The following KCNH7 variants were observed in gnomAD, a reference collection of about 807,000 sequenced individuals.
KCNH7 encodes the protein potassium voltage-gated channel subfamily H member 7.
A neutral mutation model predicts 120.8 loss-of-function variants in KCNH7; 49 were observed. That is an observed-to-expected ratio of 0.41 (90% confidence interval 0.32 to 0.51). The LOEUF (loss-of-function observed/expected upper bound fraction) is 0.51, where lower values mean the gene tolerates loss of function less well. Ranked by LOEUF, KCNH7 falls within the 20% of genes least tolerant of loss-of-function variation. The pLI, the probability that KCNH7 is intolerant of heterozygous loss-of-function variation, is 0.38. For synonymous variants in KCNH7, 547 were observed against 516.1 expected (o/e 1.06, Z -0.81); for missense variants, 1,097 against 1,446.6 (o/e 0.76, Z 3.92).
chr2:162,526,188 C>T (rs558126499), intron 3 of KCNH7, among the ~76,000 whole-genome samples: 38 of 151,824 alleles, frequency 2.5e-4, no homozygotes, highest in Admixed American at 1.6e-3. Context: ...AGGGAGTGTA[C>T]GAATAGGGTG....
chr2:162,452,336 C>T (rs1020668822), intron 6 of KCNH7, among the ~76,000 whole-genome samples: 1 of 151,758 alleles, frequency 6.6e-6, no homozygotes, highest in Non-Finnish European at 1.5e-5. Flanking sequence ...AATGGAGTTT[C>T]CTGATTGAAA....
At chr2:162,603,912 G>T (rs1340813068) in intron 2 of KCNH7, among the ~76,000 whole-genome samples, 2 of 152,026 alleles carry the variant, frequency 1.3e-5, no homozygotes, top group African/African-American at 4.8e-5. Context: ...ATTTGTTATA[G>T]ATGGTAGACA....
chr2:162,536,117 T>C (rs1692098781), intron 3 of KCNH7, among the ~76,000 whole-genome samples: 1 of 151,678 alleles, frequency 6.6e-6, no homozygotes, highest in Admixed American at 6.6e-5. Context: ...TAATTATGTC[T>C]CAAAAATTCA....
At position 162,446,420 on chromosome 2, in the gene KCNH7, G is replaced by C. The variant is rs1235060979; in HGVS notation, c.1152C>G (p.Val384=). The change falls in exon 7 of 16, where the codon GTC becomes GTG. Residue 384 remains valine, a synonymous_variant. Coordinates refer to ENST00000332142, the MANE Select transcript of KCNH7 (RefSeq NM_033272.4). ...VTQVLSLGAD[V]LPEYKLQTPR... ...GTGTCTGCAGTTTGTATTCAGGTAG[G>C]ACATCTGCTCCTAAAGAGAGAACCT... The C allele has an allele frequency of 5.6e-6, 9 of 1,611,084 alleles. No individual in the cohort carries two copies. The highest frequency in any genetic ancestry group is 7.6e-6 in the Non-Finnish European group (9 of 1,178,260).
intron 2 of KCNH7, among the ~76,000 whole-genome samples, chr2:162,644,257 T>C (rs1021404993): frequency 2.6e-5 from 4 of 151,868 alleles, no homozygotes; most frequent in African/African-American, 9.7e-5. Context: ...TAAGAAGTGA[T>C]TTAAATAAGA....
intron 2 of KCNH7, among the ~76,000 whole-genome samples, chr2:162,794,461 T>C (rs951479145): frequency 2.6e-5 from 4 of 152,060 alleles, no homozygotes; most frequent in Non-Finnish European, 5.9e-5. Flanking sequence ...TAGAAAAAGA[T>C]GCTAAAACAT....
chr2:162,739,165 G>T (rs575132938), intron 2 of KCNH7, among the ~76,000 whole-genome samples: 1 of 151,978 alleles, frequency 6.6e-6, no homozygotes, highest in Non-Finnish European at 1.5e-5. Flanking sequence ...TTCTGCCTTG[G>T]TGCCCATTTT....
chr2:162,477,785 C>T (rs1165701880), intron 6 of KCNH7, among the ~76,000 whole-genome samples: 3 of 152,018 alleles, frequency 2.0e-5, no homozygotes, highest in Admixed American at 6.6e-5. Context: ...TGCGTGCCTA[C>T]ATTTTTCTAT....
At chr2:162,407,989 A>T (rs1273993855) in intron 9 of KCNH7, among the ~76,000 whole-genome samples, 1 of 152,022 alleles carries the variant, frequency 6.6e-6, no homozygotes, top group Admixed American at 6.6e-5. Context: ...TTGAGTTGTC[A>T]ACATCATGTG....
chr2:162,769,566 A>G (rs1432662342), intron 2 of KCNH7, among the ~76,000 whole-genome samples: 2 of 152,132 alleles, frequency 1.3e-5, no homozygotes, highest in Non-Finnish European at 2.9e-5. Flanking sequence ...TCCAAGGAAA[A>G]GGTAGAGAAA....
intron 2 of KCNH7, among the ~76,000 whole-genome samples, chr2:162,618,429 G>T (rs894201703): frequency 6.6e-6 from 1 of 151,876 alleles, no homozygotes; most frequent in Non-Finnish European, 1.5e-5. Context: ...GCATCTTAAA[G>T]ACCATTTAAG....
rs1253891773 is a variant in KCNH7 at position 162,633,810 on chromosome 2, T to A, written c.308-96730A>T. 2.0e-5 allele frequency among the ~76,000 whole-genome samples: 3 copies of A among 152,042 alleles called. No homozygotes were observed. In the South Asian group the frequency reaches 6.2e-4, roughly 31 times the overall value. ...TTTGCTTTAATACTTGATAGGGCAA[T>A]CTTTTTATTCTTATTTTTCAAAAAT... On this transcript the variant is annotated intron_variant, in intron 2 of 15. Coordinates refer to ENST00000332142, the MANE Select transcript of KCNH7 (RefSeq NM_033272.4).
chr2:162,606,024 G>A (rs186702171), intron 2 of KCNH7, among the ~76,000 whole-genome samples: 30 of 152,032 alleles, frequency 2.0e-4, no homozygotes, highest in East Asian at 9.6e-4. Context: ...ATTGCATACC[G>A]TCTAGTAAAC....
At position 162,736,812 on chromosome 2, in the gene KCNH7, C is replaced by T. The variant is rs183516355; in HGVS notation, c.307+99725G>A. Among the ~76,000 whole-genome samples, 340 of 152,274 alleles carry T rather than the reference C, an allele frequency of 2.2e-3. 3 individuals are homozygous for T. The highest frequency in any genetic ancestry group is 0.021 in the South Asian group (101 of 4,824). On this transcript the variant is annotated intron_variant, in intron 2 of 15. Coordinates refer to ENST00000332142, the MANE Select transcript of KCNH7 (RefSeq NM_033272.4). ...AAATGAACCCACTGTAAGGCCACTTCTGTAAGATTATGTAGTTATCTTTAC... is the reference window on the plus strand; with the variant it reads ...AAATGAACCCACTGTAAGGCCACTTTTGTAAGATTATGTAGTTATCTTTAC...
chr2:162,715,771 A>G (rs1433740820), intron 2 of KCNH7, among the ~76,000 whole-genome samples: 1 of 152,190 alleles, frequency 6.6e-6, no homozygotes, highest in African/African-American at 2.4e-5. Flanking sequence ...TGATTTCTTA[A>G]AGCTGCACAT....
intron 9 of KCNH7, among the ~76,000 whole-genome samples, chr2:162,406,777 C>G (rs998482461): frequency 6.6e-6 from 1 of 151,940 alleles, no homozygotes; most frequent in Non-Finnish European, 1.5e-5. Flanking sequence ...TTGTAAGATA[C>G]TAAACCCTGC....
At chr2:162,560,335 C>A (rs534866974) in intron 2 of KCNH7, among the ~76,000 whole-genome samples, 20 of 152,166 alleles carry the variant, frequency 1.3e-4, no homozygotes, top group Non-Finnish European at 2.5e-4. Flanking sequence ...TACCTCCTGG[C>A]AAGTGGCTAA....
chr2:162,706,466 G>C (rs1686705504), intron 2 of KCNH7, among the ~76,000 whole-genome samples: 2 of 152,018 alleles, frequency 1.3e-5, no homozygotes, highest in South Asian at 4.1e-4. Flanking sequence ...CTATTTTACA[G>C]ATGAGAAGAC....
intron 2 of KCNH7, among the ~76,000 whole-genome samples, chr2:162,807,313 T>A (rs1304957366): frequency 6.9e-6 from 1 of 144,740 alleles, no homozygotes; most frequent in African/African-American, 2.6e-5. Context: ...GCTGTGCAAC[T>A]GTAGTCCCAG....
Sources: allele counts gnomAD v4.1 joint callset (sites outside exome capture counted in the v4.1 genomes callset), GRCh38; gene constraint gnomAD v4.1.1; transcripts MANE v1.5; gene names NCBI Gene and HGNC (gene_info 2026-07-23, HGNC 2026-07-21).